Variants in ZDHHC23 observed in about 807,000 individuals in gnomAD.
ZDHHC23 encodes the protein palmitoyltransferase ZDHHC23.
In ZDHHC23, 41 loss-of-function variants were observed where a neutral mutation model predicts 40.2. That is an observed-to-expected ratio of 1.02 (90% CI 0.79 to 1.32). ZDHHC23 has a LOEUF of 1.32. Ranked by LOEUF, ZDHHC23 falls within the 40% of genes most tolerant of loss-of-function variation. ZDHHC23 has a pLI of 0.00. For missense variants in ZDHHC23, 471 were observed against 541.5 expected, an observed-to-expected ratio of 0.87 and a Z score of 1.29; for synonymous variants, 204 against 210.2, an observed-to-expected ratio of 0.97 and a Z score of 0.26.
chr3:113,959,447 A>C lies in ZDHHC23; in HGVS notation c.*817A>C. ...ATGAGTTCTTCTATTTATATTTTAT[A>C]AATTCTGCTTGGGTTTCTTATAAAT... On this transcript the variant is annotated 3_prime_UTR_variant, in exon 5 of 5. Transcript: ENST00000638807. 8.0e-7 allele frequency: 1 copy of C among 1,252,660 alleles called. No individual in the cohort carries two copies. The highest frequency in any genetic ancestry group is 1.3e-5 in the South Asian group (1 of 77,796). The allele number at this position is 1,252,660 out of a possible 1,614,324, so 77.6% of individuals were successfully genotyped here.
the ZDHHC23 span, among the ~76,000 whole-genome samples, chr3:113,976,274 AC>A: frequency 1.6e-4 from 24 of 152,020 alleles, 1 homozygote; most frequent in Non-Finnish European, 8.8e-5. Context: ...AAAAAAAAAA[AC>A]AAAACAAAAC....
downstream of ZDHHC23, among the ~76,000 whole-genome samples, chr3:113,970,367 C>G (rs1940675455): frequency 6.6e-6 from 1 of 151,942 alleles, no homozygotes; most frequent in Non-Finnish European, 1.5e-5. Flanking sequence ...TCTCTGTCAC[C>G]CAGGCTGGTC....
In ZDHHC23 at chr3:113,948,699, AG is replaced by A. The variant is rs1938366730; in HGVS notation, c.-103del. On this transcript the variant is annotated 5_prime_UTR_variant, in exon 2 of 5. Transcript: ENST00000638807. ...TTGATTGCTCAGGCGTTGGAGGTTA[AG>A]CAGAGAGAGAGAGGCGTGGACCTAT... is the stretch of plus-strand genomic sequence containing the variant. 1 of 1,371,680 alleles carries A rather than the reference AG, an allele frequency of 7.3e-7. No individual in the cohort carries two copies. The highest frequency in any genetic ancestry group is 2.1e-5 in the Admixed American group (1 of 48,744). The allele number at this position is 1,371,680 out of a possible 1,614,324, so 85.0% of individuals were successfully genotyped here. A position where few individuals can be genotyped will look rare whatever the true frequency, so the allele number is the denominator to read the frequency against.
In ZDHHC23 at chr3:113,954,237, C is replaced by T; in HGVS notation, c.699C>T (p.Leu233=). Reference sequence around the variant, plus strand: ...CTGGGGCAGACATGTCGGGCAGTCTCAACAATCGCACAACAAAGGATGACC... The same window carrying T: ...CTGGGGCAGACATGTCGGGCAGTCTTAACAATCGCACAACAAAGGATGACC... ...GFPGADMSGS[L]NNRTTKDDPK... is the part of the protein sequence containing the mutation. The change falls in exon 3 of 5, where the codon CTC becomes CTT. Residue 233 remains leucine (L), a synonymous_variant. Transcript: ENST00000638807. The T allele has an allele frequency of 6.2e-7, 1 of 1,614,178 alleles. No homozygotes were observed. Among genetic ancestry groups the T allele is most frequent in the Non-Finnish European group, 8.5e-7 (1 of 1,180,034 alleles).
downstream of ZDHHC23, among the ~76,000 whole-genome samples, chr3:113,966,484 G>A (rs1272472473): frequency 1.3e-5 from 2 of 152,170 alleles, no homozygotes; most frequent in East Asian, 3.9e-4. Context: ...GTCTGGTGGT[G>A]AGGAGCAGAC....
chr3:113,952,705 T>C (rs543194722), intron 2 of ZDHHC23, among the ~76,000 whole-genome samples: 1 of 152,360 alleles, frequency 6.6e-6, no homozygotes, highest in East Asian at 1.9e-4. Flanking sequence ...AACAGATATT[T>C]ATTGCTCACA....
At chr3:113,950,754 A>C (rs1938580687) in intron 2 of ZDHHC23, among the ~76,000 whole-genome samples, 1 of 152,164 alleles carries the variant, frequency 6.6e-6, no homozygotes, top group Admixed American at 6.5e-5. Flanking sequence ...TCCAAATCAG[A>C]TATGGATGAG....
Position 113,954,138 on chromosome 3 carries a change from C to T in ZDHHC23, c.600C>T (p.Ser200=), listed in dbSNP as rs141925814. The T allele has an allele frequency of 3.9e-5, 63 of 1,614,082 alleles. No homozygotes were observed. The highest frequency in any genetic ancestry group is 4.6e-5 in the Non-Finnish European group (54 of 1,180,042). ...KNPGYLSNPA[S]GDRSLSSSQL... is the part of the protein sequence containing the mutation. The stretch of plus-strand genomic sequence containing the variant: ...CAGGCTACCTCAGCAATCCAGCAAG[C>T]GGTGACAGATCTCTAAGCAGCAGCC... Residue 200 remains serine, a synonymous_variant, in exon 3 of 5, where the codon AGC becomes AGT. Coordinates refer to ENST00000638807, the MANE Select transcript of ZDHHC23 (RefSeq NM_001320466.2).
chr3:113,958,691 T>C lies in ZDHHC23; in HGVS notation c.*61T>C. ...TCCTCCTTCCGTCTCCCTTCCATTT[T>C]ACACTTCAGTGTCCATTTCTATCCC... is the stretch of plus-strand genomic sequence containing the variant. On this transcript the variant is annotated 3_prime_UTR_variant, in exon 5 of 5. Coordinates refer to ENST00000638807, the MANE Select transcript of ZDHHC23 (RefSeq NM_001320466.2). The C allele has an allele frequency of 6.3e-7, 1 of 1,593,904 alleles. No individual in the cohort carries two copies. Among genetic ancestry groups the C allele is most frequent in the Non-Finnish European group, 8.5e-7 (1 of 1,177,710 alleles).
chr3:113,954,054 G>A lies in ZDHHC23; in HGVS notation c.516G>A (p.Ala172=), dbSNP rs776072400. ...GGCGTGTGGGTCCCGTTCAGCTGGC[G>A]GTTCTTACCTGCGGGTTATTTCTGA... ...PKGRVGPVQL[A]VLTCGLFLIL... is the part of the protein sequence containing the mutation. Residue 172 remains alanine, a synonymous_variant, in exon 3 of 5, where the codon GCG becomes GCA. Transcript: ENST00000638807. 5.3e-5 allele frequency: 86 copies of A among 1,613,988 alleles called. No individual in the cohort carries two copies. The Middle Eastern group carries it at 8.2e-4, about 15-fold the overall frequency.
In ZDHHC23 at chr3:113,950,123, C is replaced by T. The variant is rs547744284; in HGVS notation, c.161+1160C>T. The stretch of plus-strand genomic sequence containing the variant: ...GCATCTCCTCTGCTCTCTCTGTACC[C>T]CTCTCCTCTGTGTTTCCACCGTGCC... On this transcript the variant is annotated intron_variant, in intron 2 of 4. Transcript: ENST00000638807. Among the ~76,000 whole-genome samples the T allele has an allele frequency of 2.0e-5, 3 of 152,142 alleles. No homozygotes were observed. In the South Asian group the frequency reaches 6.2e-4, roughly 32 times the overall value.
intron 2 of ZDHHC23, among the ~76,000 whole-genome samples, chr3:113,952,005 C>T (rs543410882): frequency 4.0e-4 from 61 of 152,144 alleles, no homozygotes; most frequent in Admixed American, 2.9e-3. Flanking sequence ...GGCGTGGTGG[C>T]GCATGCCTGT....
chr3:113,958,482 A>T lies in ZDHHC23; in HGVS notation c.1160A>T (p.Gln387Leu), dbSNP rs1939441145. The change falls in exon 5 of 5, where the codon CAG becomes CTG. Residue 387 changes from glutamine to leucine, a missense_variant. Gln to Leu is a moderately radical substitution (Grantham distance 113, BLOSUM62 -2). Around this residue, in one of 3 missense-constraint regions of ZDHHC23, gnomAD observed 346 missense variants for 399.8 expected, o/e 0.87. Transcript: ENST00000638807. ...AATGTGACTGAGCGGGAAGTCCAGC[A>T]GGCCCTCCGACAGAAGACTGGGCGC... ...SYNVTEREVQQALRQKTGRRL... is the reference protein window; with the variant it reads ...SYNVTEREVQLALRQKTGRRL... The T allele has an allele frequency of 7.4e-6, 12 of 1,614,020 alleles. No individual in the cohort carries two copies. Among genetic ancestry groups the T allele is most frequent in the Admixed American group, 1.7e-5 (1 of 60,004 alleles).
chr3:113,956,142 T>C (rs1355794774), intron 3 of ZDHHC23, among the ~76,000 whole-genome samples, 197 bp from the exon 4 acceptor site: 1 of 152,156 alleles, frequency 6.6e-6, no homozygotes, highest in East Asian at 1.9e-4. Context: ...CTTGAGAGGC[T>C]GAGGCAGGAG....
At position 113,949,392 on chromosome 3, in the gene ZDHHC23, T is replaced by G. The variant is rs74620235; in HGVS notation, c.161+429T>G. The stretch of plus-strand genomic sequence containing the variant: ...CCTGACCACAGAGGGCCTTGTGGGT[T>G]GAAATTTCATTTTCCTGCTGTTAGT... On this transcript the variant is annotated intron_variant, in intron 2 of 4. Transcript: ENST00000638807. Among the ~76,000 whole-genome samples the G allele has an allele frequency of 2.0e-4, 30 of 152,342 alleles. No homozygotes were observed. The East Asian group carries it at 5.6e-3, about 28-fold the overall frequency.
At chr3:113,969,871 C>A (rs1204282047), downstream of ZDHHC23, among the ~76,000 whole-genome samples, 1 of 151,986 alleles carries the variant, frequency 6.6e-6, no homozygotes, top group African/African-American at 2.4e-5. Flanking sequence ...AATTTTTTTT[C>A]TATTTCCGTG....
rs1938955258 is a variant in ZDHHC23, at chr3:113,954,222, C to T, written c.684C>T (p.Asp228=). Residue 228 remains aspartate (D), a synonymous_variant, in exon 3 of 5, where the codon GAC becomes GAT. Transcript: ENST00000638807. ...QEKTKGFPGA[D]MSGSLNNRTT... ...AGACCAAAGGGTTCCCTGGGGCAGA[C>T]ATGTCGGGCAGTCTCAACAATCGCA... is the stretch of plus-strand genomic sequence containing the variant. 1 of 1,614,216 alleles carries T rather than the reference C, an allele frequency of 6.2e-7. No homozygotes were observed. The highest frequency in any genetic ancestry group is 8.5e-7 in the Non-Finnish European group (1 of 1,180,038).
Position 113,956,434 on chromosome 3 carries a change from T to G in ZDHHC23, c.968T>G (p.Leu323Trp), listed in dbSNP as rs145866912. The G allele has an allele frequency of 6.2e-7, 1 of 1,614,114 alleles. No individual in the cohort carries two copies. The highest frequency in any genetic ancestry group is 1.3e-5 in the African/African-American group (1 of 74,948). Reference sequence around the variant, plus strand: ...TCGGTGTATGGGATCACACTGACCTTGGACACCATTTGTAGAGACAGAAGT... The same window carrying G: ...TCGGTGTATGGGATCACACTGACCTGGGACACCATTTGTAGAGACAGAAGT... ...LTSVYGITLT[L>W]DTICRDRSVF... The change falls in exon 4 of 5, where the codon TTG becomes TGG. Residue 323 changes from leucine to tryptophan, a missense_variant. Physicochemically the swap from Leu to Trp is moderately conservative, Grantham distance 61. This residue lies in a region of ZDHHC23 where 346 missense variants were observed against 399.8 expected (regional missense o/e 0.87). Coordinates refer to ENST00000638807, the MANE Select transcript of ZDHHC23 (RefSeq NM_001320466.2).
At chr3:113,970,588 T>G in the ZDHHC23 span, among the ~76,000 whole-genome samples, 2 of 152,188 alleles carry the variant, frequency 1.3e-5, no homozygotes, top group African/African-American at 4.8e-5. Context: ...TTTATTATAC[T>G]TTAAGTTTTA....
Sources: allele counts gnomAD v4.1 joint callset (sites outside exome capture counted in the v4.1 genomes callset), GRCh38; gene constraint gnomAD v4.1.1; regional missense constraint gnomAD v4.1.1; transcripts MANE v1.5; gene names NCBI Gene and HGNC (gene_info 2026-07-23, HGNC 2026-07-21).